ASF1A: variants seen among roughly 807,000 people sequenced by gnomAD.
The protein encoded by ASF1A is histone chaperone ASF1A.
In ASF1A, 5 loss-of-function variants were observed where a neutral mutation model predicts 22.0. That is an observed-to-expected ratio of 0.23 (90% CI 0.12 to 0.48). The LOEUF (loss-of-function observed/expected upper bound fraction) is 0.48. Among genes scored for constraint, ASF1A ranks in the 20% least tolerant of loss-of-function variants. The pLI is 0.99. For missense variants in ASF1A, 137 were observed against 240.6 expected (o/e 0.57, Z 2.85); for synonymous variants, 97 against 86.7 (o/e 1.12, Z -0.66).
chr6:118,896,121 A>G (rs1328830094), intron 1 of ASF1A, among the ~76,000 whole-genome samples: 7 of 150,554 alleles, frequency 4.6e-5, no homozygotes, highest in Admixed American at 2.6e-4. Context: ...TGATTCATTT[A>G]TTAAAATAAT....
chr6:118,900,072 T>C (rs1432737560), intron 1 of ASF1A, among the ~76,000 whole-genome samples: 2 of 152,198 alleles, frequency 1.3e-5, no homozygotes, highest in Non-Finnish European at 2.9e-5. Context: ...CTGAATGTCT[T>C]TTCCTCCTGC....
intron 2 of ASF1A, among the ~76,000 whole-genome samples, chr6:118,904,289 G>C (rs1780014409): frequency 6.6e-6 from 1 of 152,174 alleles, no homozygotes; most frequent in Non-Finnish European, 1.5e-5. Flanking sequence ...TTTTAGCCTA[G>C]GACACTAGGT....
chr6:118,894,274 A>C lies in ASF1A; in HGVS notation c.-140A>C, dbSNP rs370372401. ...GTGCTCCCGTGTAAATAAAAAGAGG[A>C]AAAAAGTTTCTCAAGTCGCCGCTGC... On this transcript the variant is annotated 5_prime_UTR_variant, in exon 1 of 4. Transcript: ENST00000229595. The C allele has an allele frequency of 7.5e-6, 11 of 1,462,082 alleles. No individual in the cohort carries two copies. The highest frequency in any genetic ancestry group is 9.9e-6 in the Non-Finnish European group (11 of 1,113,658). 90.6% of individuals were successfully genotyped at this position (1,462,082 alleles called of 1,614,324 possible).
intron 2 of ASF1A, among the ~76,000 whole-genome samples, chr6:118,903,779 G>T (rs969693904): frequency 2.0e-5 from 3 of 152,186 alleles, no homozygotes; most frequent in African/African-American, 7.2e-5. Flanking sequence ...TAGAGATGGG[G>T]TTTCGCCATG....
At chr6:118,895,088 G>A (rs1423255664) in intron 1 of ASF1A, among the ~76,000 whole-genome samples, 1 of 152,082 alleles carries the variant, frequency 6.6e-6, no homozygotes, top group African/African-American at 2.4e-5. Flanking sequence ...CACTCTCCGG[G>A]CTGGCCATGC....
chr6:118,906,214 A>C (rs1279925245), intron 3 of ASF1A, among the ~76,000 whole-genome samples: 1 of 152,182 alleles, frequency 6.6e-6, no homozygotes, highest in Non-Finnish European at 1.5e-5. Context: ...CTGGGACTAC[A>C]GGTGTATACC....
rs1243967532 is a variant in ASF1A at position 118,908,858 on chromosome 6, T to C, written c.*1244T>C. The C allele has an allele frequency of 6.6e-6, 1 of 152,606 alleles. No individual in the cohort carries two copies. Among genetic ancestry groups the C allele is most frequent in the Non-Finnish European group, 1.5e-5 (1 of 68,014 alleles). 9.5% of individuals were successfully genotyped at this position (152,606 alleles called of 1,614,324 possible). ...TGCAGTGCCTTCATATCTAAAACTT[T>C]TATACTGCACTTTTTAAAGCTTTTA... On this transcript the variant is annotated 3_prime_UTR_variant, in exon 4 of 4. Transcript: ENST00000229595.
chr6:118,900,424 G>A (rs985429177), intron 1 of ASF1A, among the ~76,000 whole-genome samples: 1 of 152,146 alleles, frequency 6.6e-6, no homozygotes, highest in Non-Finnish European at 1.5e-5. Context: ...TGTTACTGGT[G>A]TTCTTTACTG....
At chr6:118,899,306 T>TA (rs1779647684) in intron 1 of ASF1A, among the ~76,000 whole-genome samples, 1 of 152,230 alleles carries the variant, frequency 6.6e-6, no homozygotes, top group Non-Finnish European at 1.5e-5. Flanking sequence ...AGAGTCCTTA[T>TA]GATGGCCTTC....
At chr6:118,896,590 T>C (rs916099583) in intron 1 of ASF1A, among the ~76,000 whole-genome samples, 1 of 152,200 alleles carries the variant, frequency 6.6e-6, no homozygotes, top group Non-Finnish European at 1.5e-5. Context: ...AACATACTTA[T>C]TTCCAATGGT....
In ASF1A at chr6:118,894,259, G is replaced by T; in HGVS notation, c.-155G>T. 6.9e-7 allele frequency: 1 copy of T among 1,456,462 alleles called. No homozygotes were observed. Among genetic ancestry groups the T allele is most frequent in the African/African-American group, 1.4e-5 (1 of 70,264 alleles). The allele number at this position is 1,456,462 out of a possible 1,614,324, so 90.2% of individuals were successfully genotyped here. ...GCAAAACACTGTGGAGTGCTCCCGTGTAAATAAAAAGAGGAAAAAAGTTTC... is the reference window on the plus strand; with the variant it reads ...GCAAAACACTGTGGAGTGCTCCCGTTTAAATAAAAAGAGGAAAAAAGTTTC... On this transcript the variant is annotated 5_prime_UTR_variant, in exon 1 of 4. Coordinates refer to ENST00000229595, the MANE Select transcript of ASF1A (RefSeq NM_014034.3).
At chr6:118,899,124 T>TGC (rs1327277970) in intron 1 of ASF1A, among the ~76,000 whole-genome samples, 2 of 152,216 alleles carry the variant, frequency 1.3e-5, no homozygotes, top group African/African-American at 4.8e-5. Flanking sequence ...ACGAGGTCCA[T>TGC]GCCACCATAA....
intron 1 of ASF1A, 23 bp downstream of exon 1, chr6:118,894,545 C>T: frequency 6.6e-7 from 1 of 1,523,110 alleles, no homozygotes; most frequent in Non-Finnish European, 8.8e-7. Context: ...CCCGTGCGCC[C>T]GGGCTGTCAG....
intron 3 of ASF1A, among the ~76,000 whole-genome samples, chr6:118,907,040 A>G (rs1780230354): frequency 6.6e-6 from 1 of 152,214 alleles, no homozygotes; most frequent in Non-Finnish European, 1.5e-5. Flanking sequence ...TTGAAAACAT[A>G]CCAATCTAAA....
chr6:118,905,022 G>A (rs150320209), intron 2 of ASF1A, among the ~76,000 whole-genome samples: 139 of 152,262 alleles, frequency 9.1e-4, no homozygotes, highest in African/African-American at 2.8e-3. Context: ...GTTTTTAATA[G>A]AGATGGGGTT....
chr6:118,894,777 CTT>C (rs1779237894), intron 1 of ASF1A, among the ~76,000 whole-genome samples: 1 of 152,222 alleles, frequency 6.6e-6, no homozygotes, highest in Non-Finnish European at 1.5e-5. Flanking sequence ...ATGTTGTCAG[CTT>C]TGTCTGCGGG....
intron 1 of ASF1A, among the ~76,000 whole-genome samples, chr6:118,895,309 A>C (rs1158651096): frequency 3.3e-5 from 5 of 152,060 alleles, no homozygotes; most frequent in Non-Finnish European, 7.4e-5. Context: ...TCCCCAACCA[A>C]CGTGGACTCC....
intron 1 of ASF1A, among the ~76,000 whole-genome samples, chr6:118,898,067 G>A (rs1356203786): frequency 6.6e-6 from 1 of 152,158 alleles, no homozygotes; most frequent in Non-Finnish European, 1.5e-5. Flanking sequence ...TATCTTCCCA[G>A]TTAGGTTTTC....
intron 1 of ASF1A, among the ~76,000 whole-genome samples, chr6:118,897,826 T>TAA (rs748981039): frequency 6.9e-5 from 10 of 145,376 alleles, no homozygotes; most frequent in Non-Finnish European, 1.4e-4. Flanking sequence ...AAAGCTGGGT[T>TAA]AAAAAAAAAA....
Sources: gnomAD v4.1 joint callset for allele counts (sites outside exome capture counted in the v4.1 genomes callset) on GRCh38, gnomAD v4.1.1 for gene constraint, MANE v1.5 for transcripts, NCBI Gene and HGNC (gene_info 2026-07-23, HGNC 2026-07-21) for gene names.